The following UBAC2 variants were observed in gnomAD, a reference collection of about 807,000 sequenced individuals.
UBAC2 encodes ubiquitin-associated domain-containing protein 2.
Under a neutral mutation model 44.0 loss-of-function variants are expected in UBAC2, and 26 were observed. The observed-to-expected ratio is 0.59, with a 90% confidence interval of 0.43 to 0.82. UBAC2 has a LOEUF of 0.82. UBAC2 is among the 40% of genes least tolerant of loss of function. UBAC2 has a pLI of 0.00. For synonymous variants in UBAC2, 155 were observed against 154.3 expected (o/e 1.00, Z -0.04); for missense variants, 329 against 419.4 (o/e 0.78, Z 1.88).
At chr13:99,321,463 CA>C (rs1164962146) in intron 6 of UBAC2, among the ~76,000 whole-genome samples, 1 of 152,104 alleles carries the variant, frequency 6.6e-6, no homozygotes, top group Non-Finnish European at 1.5e-5. Flanking sequence ...TGCACGCCAC[CA>C]AGCCCGGCTA....
chr13:99,252,708 T>C (rs1354275310), intron 4 of UBAC2, among the ~76,000 whole-genome samples: 2 of 152,246 alleles, frequency 1.3e-5, no homozygotes, highest in African/African-American at 4.8e-5. Flanking sequence ...TTTGAATTTT[T>C]ACATATTATG....
Position 99,385,224 on chromosome 13 carries a change from G to A in UBAC2, c.928-4G>A. 6.2e-7 allele frequency: 1 copy of A among 1,612,742 alleles called. No individual in the cohort carries two copies. The highest frequency in any genetic ancestry group is 1.1e-5 in the South Asian group (1 of 91,064). On this transcript the variant is annotated splice_polypyrimidine_tract_variant and splice_region_variant and intron_variant, in intron 8 of 8. Transcript: ENST00000403766. Reference sequence around the variant, plus strand: ...TCAGGTTTCTGCGTTTTCTCTGCCTGCAGGTCGCCCGGCTCATGGAGATGG... The same window carrying A: ...TCAGGTTTCTGCGTTTTCTCTGCCTACAGGTCGCCCGGCTCATGGAGATGG...
rs190771315 is a variant in UBAC2, at chr13:99,383,367, T to C, written c.928-1861T>C. Among the ~76,000 whole-genome samples the C allele has an allele frequency of 2.4e-4, 36 of 152,396 alleles. No homozygotes were observed. The East Asian group carries it at 5.4e-3, about 23-fold the overall frequency. On this transcript the variant is annotated intron_variant, in intron 8 of 8. Coordinates refer to ENST00000403766, the MANE Select transcript of UBAC2 (RefSeq NM_001144072.2). ...TTCCAGCCAACCAAATGAATTCTTT[T>C]CAATTCTAGTTTTGTTAGCTACTGT...
At chr13:99,312,972 T>G (rs1253269884) in intron 4 of UBAC2, 1 of 152,508 alleles carries the variant, frequency 6.6e-6, no homozygotes, top group East Asian at 1.9e-4. Context: ...TTTATTTTTT[T>G]TTGTTTTTGT....
At chr13:99,235,215 A>T (rs1472527137) in intron 1 of UBAC2, among the ~76,000 whole-genome samples, 2 of 152,230 alleles carry the variant, frequency 1.3e-5, no homozygotes, top group African/African-American at 4.8e-5. Flanking sequence ...CCCAGGAATC[A>T]ATTAACCAAA....
intron 1 of UBAC2, among the ~76,000 whole-genome samples, chr13:99,221,632 TG>T (rs1053882158): frequency 1.3e-5 from 2 of 152,206 alleles, no homozygotes; most frequent in Admixed American, 6.5e-5. Flanking sequence ...TTCTTTTCTA[TG>T]GCCACTCTAG....
At chr13:99,351,065 A>C (rs1199387804) in intron 7 of UBAC2, among the ~76,000 whole-genome samples, 1 of 152,246 alleles carries the variant, frequency 6.6e-6, no homozygotes, top group Non-Finnish European at 1.5e-5. Context: ...TGAAAAGAAC[A>C]AGAATGGGCA....
intron 4 of UBAC2, among the ~76,000 whole-genome samples, chr13:99,286,920 T>C (rs992237445): frequency 1.3e-5 from 2 of 152,176 alleles, no homozygotes; most frequent in African/African-American, 4.8e-5. Flanking sequence ...TGTGTCTCAG[T>C]TCTTTCTGAA....
intron 6 of UBAC2, among the ~76,000 whole-genome samples, chr13:99,326,684 G>A (rs1215006899): frequency 6.6e-6 from 1 of 152,252 alleles, no homozygotes; most frequent in African/African-American, 2.4e-5. Flanking sequence ...TGAGTTTCAG[G>A]TTGCATGAAT....
chr13:99,302,818 C>T (rs1205230952), intron 4 of UBAC2, among the ~76,000 whole-genome samples: 1 of 152,212 alleles, frequency 6.6e-6, no homozygotes, highest in Non-Finnish European at 1.5e-5. Context: ...AACCAACTGT[C>T]ACAGTAGTCA....
chr13:99,223,544 T>TTTTTTTTTTTTTTTTTTTTTTTG (rs2043076123), intron 1 of UBAC2, among the ~76,000 whole-genome samples: 1 of 10,404 alleles, frequency 9.6e-5, no homozygotes, highest in African/African-American at 2.7e-4. Flanking sequence ...CTTTTTCTGT[T>TTTTTTTTTTTTTTTTTTTTTTTG]TTTTTTTTTT....
At chr13:99,317,359 T>C (rs1328267134) in intron 5 of UBAC2, among the ~76,000 whole-genome samples, 1 of 152,218 alleles carries the variant, frequency 6.6e-6, no homozygotes, top group Non-Finnish European at 1.5e-5. Flanking sequence ...ATGATTTTTT[T>C]TTAATTACCC....
At chr13:99,357,054 G>A (rs1363875925) in intron 7 of UBAC2, among the ~76,000 whole-genome samples, 1 of 152,156 alleles carries the variant, frequency 6.6e-6, no homozygotes, top group Non-Finnish European at 1.5e-5. Context: ...ATATGTTTTG[G>A]TCAATGACAG....
intron 4 of UBAC2, chr13:99,258,437 A>G (rs554791731): frequency 2.0e-5 from 3 of 152,190 alleles, no homozygotes; most frequent in South Asian, 4.1e-4. Flanking sequence ...TTTACCCTGG[A>G]TGTGGTTTTT....
chr13:99,234,167 G>GTTTT (rs1555321350), intron 1 of UBAC2, among the ~76,000 whole-genome samples: 1 of 116,964 alleles, frequency 8.5e-6, no homozygotes, highest in Non-Finnish European at 1.8e-5. Flanking sequence ...TGTGCTAGCC[G>GTTTT]TTTCTTTTTT....
chr13:99,330,473 A>AAAAAAAAAG (rs1464734318), intron 6 of UBAC2, among the ~76,000 whole-genome samples: 1 of 149,332 alleles, frequency 6.7e-6, no homozygotes, highest in Non-Finnish European at 1.5e-5. Context: ...AAAAAAAAAA[A>AAAAAAAAAG]AAAGAAATAC....
chr13:99,214,361 G>T (rs1278815265), intron 1 of UBAC2, among the ~76,000 whole-genome samples: 1 of 151,942 alleles, frequency 6.6e-6, no homozygotes, highest in African/African-American at 2.4e-5. Flanking sequence ...CCTAGTGTGG[G>T]TTTCCTCTTT....
chr13:99,282,621 C>G (rs1211259306), intron 4 of UBAC2, among the ~76,000 whole-genome samples: 1 of 152,104 alleles, frequency 6.6e-6, no homozygotes, highest in Non-Finnish European at 1.5e-5. Context: ...AAGTTTAACG[C>G]TGGTTAAGTG....
intron 4 of UBAC2, among the ~76,000 whole-genome samples, chr13:99,259,001 T>A (rs897737790): frequency 6.6e-6 from 1 of 152,224 alleles, no homozygotes; most frequent in East Asian, 1.9e-4. Flanking sequence ...GCTTTTCTAG[T>A]GCGTGGAAGT....
Sources: allele counts gnomAD v4.1 joint callset (sites outside exome capture counted in the v4.1 genomes callset), GRCh38; gene constraint gnomAD v4.1.1; transcripts MANE v1.5; gene names NCBI Gene and HGNC (gene_info 2026-07-23, HGNC 2026-07-21).